Variants in VPS8 observed in about 807,000 individuals in gnomAD.
VPS8 encodes the protein vacuolar protein sorting-associated protein 8 homolog.
In VPS8, 129 loss-of-function variants were observed where a neutral mutation model predicts 216.4. The ratio of observed to expected loss-of-function variants is 0.60; its 90% CI spans 0.52 to 0.69. The LOEUF is 0.69. Among genes scored for constraint, VPS8 ranks in the 30% least tolerant of loss-of-function variants. The pLI, the probability that VPS8 is intolerant of heterozygous loss-of-function variation, is 0.00. For synonymous variants in VPS8, 571 were observed against 565.4 expected (o/e 1.01, Z -0.14); for missense variants, 1,531 against 1,683.5 (o/e 0.91, Z 1.59).
chr3:185,013,098 G>C (rs1176914565), intron 45 of VPS8, among the ~76,000 whole-genome samples: 1 of 152,196 alleles, frequency 6.6e-6, no homozygotes, highest in Non-Finnish European at 1.5e-5. Flanking sequence ...TATTGTTTGG[G>C]GTTTAAGAAC....
intron 46 of VPS8, among the ~76,000 whole-genome samples, chr3:185,036,237 C>A (rs1019645349): frequency 6.6e-6 from 1 of 152,092 alleles, no homozygotes; most frequent in Non-Finnish European, 1.5e-5. Flanking sequence ...CGACATAATT[C>A]TTTACAGAAT....
rs1366746618 is a variant in VPS8 at position 184,900,905 on chromosome 3, A to G, written c.2095-16A>G. ...TTGAGATGATGATGATTGTTTTCCT[A>G]TTAATTTTAATGCAGAAACTTTTCA... On this transcript the variant is annotated splice_polypyrimidine_tract_variant and intron_variant, in intron 24 of 47. Coordinates refer to ENST00000625842, the MANE Select transcript of VPS8 (RefSeq NM_001009921.3). 2.5e-6 allele frequency: 4 copies of G among 1,595,760 alleles called. No homozygotes were observed. The South Asian group carries it at 3.4e-5, about 14-fold the overall frequency.
chr3:184,839,160 G>T, intron 6 of VPS8: 1 of 188,500 alleles, frequency 5.3e-6, no homozygotes, highest in Non-Finnish European at 1.1e-5. Context: ...CTCTGTTGCA[G>T]TATTGTAGAG....
intron 30 of VPS8, 142 bp from the exon 31 acceptor site, chr3:184,926,452 G>T: frequency 1.4e-6 from 1 of 696,036 alleles, no homozygotes; most frequent in South Asian, 1.9e-5. Context: ...TAATCAGTTG[G>T]GAAGGTAGCC....
chr3:185,007,860 T>A (rs1237369872), intron 45 of VPS8, among the ~76,000 whole-genome samples: 2 of 152,236 alleles, frequency 1.3e-5, no homozygotes, highest in Non-Finnish European at 2.9e-5. Flanking sequence ...TCACTAGCCA[T>A]AATTTTCTAT....
At chr3:184,964,017 C>T (rs1306785571) in intron 37 of VPS8, among the ~76,000 whole-genome samples, 1 of 151,714 alleles carries the variant, frequency 6.6e-6, no homozygotes, top group Non-Finnish European at 1.5e-5. Context: ...TACTTTTTTC[C>T]TTTTTTCTCC....
intron 47 of VPS8, among the ~76,000 whole-genome samples, chr3:185,050,217 G>C (rs781022835): frequency 2.0e-5 from 3 of 151,162 alleles, no homozygotes; most frequent in Non-Finnish European, 4.4e-5. Flanking sequence ...TTCTGTTCAA[G>C]GCATCGTACA....
At chr3:184,850,195 C>A (rs1723988740) in intron 10 of VPS8, among the ~76,000 whole-genome samples, 173 bp downstream of exon 10, 2 of 152,040 alleles carry the variant, frequency 1.3e-5, no homozygotes, top group South Asian at 4.1e-4. Flanking sequence ...TTTGACTAGC[C>A]CAACATGATG....
At chr3:185,042,634 G>T (rs1428762381) in intron 46 of VPS8, among the ~76,000 whole-genome samples, 1 of 152,222 alleles carries the variant, frequency 6.6e-6, no homozygotes, top group African/African-American at 2.4e-5. Context: ...TAATGTTTGG[G>T]AATTTGAGCT....
At chr3:185,003,722 CG>C (rs1182747949) in intron 45 of VPS8, among the ~76,000 whole-genome samples, 5 of 150,578 alleles carry the variant, frequency 3.3e-5, no homozygotes, top group African/African-American at 4.9e-5. Context: ...ACTTCCCAGA[CG>C]GGGTGGCTGC....
At chr3:185,014,592 G>C (rs1755522231) in intron 45 of VPS8, among the ~76,000 whole-genome samples, 1 of 152,200 alleles carries the variant, frequency 6.6e-6, no homozygotes, top group African/African-American at 2.4e-5. Flanking sequence ...TGTAGATGCT[G>C]TTCAGCTGCT....
In VPS8 at chr3:184,983,058, T is replaced by G; in HGVS notation, c.3549T>G (p.Phe1183Leu). 1 of 1,610,380 alleles carries G rather than the reference T, an allele frequency of 6.2e-7. No homozygotes were observed. The highest frequency in any genetic ancestry group is 8.5e-7 in the Non-Finnish European group (1 of 1,177,952). Residue 1183 changes from phenylalanine to leucine, a missense_variant, in exon 42 of 48, where the codon TTT becomes TTG. This residue lies in a region of VPS8 where 1,318 missense variants were observed against 1,468.4 expected (regional missense o/e 0.90). Transcript: ENST00000625842. ...AAGTTTTAAATAGCATGGCAGCATT[T>G]ATTGCCCTTCCATCAATCTTGCAAA... Reference protein sequence around the residue: ...TMQVLNSMAAFIALPSILQRI... With the variant: ...TMQVLNSMAALIALPSILQRI...
At chr3:184,876,475 A>G (rs895425945) in intron 21 of VPS8, among the ~76,000 whole-genome samples, 3 of 152,074 alleles carry the variant, frequency 2.0e-5, no homozygotes, top group African/African-American at 7.3e-5. Context: ...ACTGCTTTAC[A>G]TTCTTCCCTA....
rs138230180 is a variant in VPS8 at position 184,989,398 on chromosome 3, G to A, written c.3586-4585G>A. Among the ~76,000 whole-genome samples, 171 of 152,104 alleles carry A rather than the reference G, an allele frequency of 1.1e-3. 2 individuals are homozygous for A. Among genetic ancestry groups the A allele is most frequent in the East Asian group, 0.01 (52 of 5,172 alleles). On this transcript the variant is annotated intron_variant, in intron 42 of 47. Transcript: ENST00000625842. ...GATTTTTCTTATTTAGCCTGTTGATGTGGTGGATTACAGTAATTGATTTTT... is the reference window on the plus strand; with the variant it reads ...GATTTTTCTTATTTAGCCTGTTGATATGGTGGATTACAGTAATTGATTTTT...
chr3:184,826,396 T>C (rs1718785260), intron 3 of VPS8, among the ~76,000 whole-genome samples, 165 bp downstream of exon 3: 1 of 152,240 alleles, frequency 6.6e-6, no homozygotes, highest in Admixed American at 6.5e-5. Context: ...AATAAAAATT[T>C]AATTCCTTGG....
intron 3 of VPS8, among the ~76,000 whole-genome samples, chr3:184,830,891 G>C (rs1719846422): frequency 6.6e-6 from 1 of 152,080 alleles, no homozygotes; most frequent in Admixed American, 6.5e-5. Flanking sequence ...TGGTAAATTT[G>C]GACCTAAACC....
chr3:184,866,972 G>A, intron 17 of VPS8, 22 bp downstream of exon 17: 1 of 1,608,916 alleles, frequency 6.2e-7, no homozygotes, highest in South Asian at 1.1e-5. Flanking sequence ...TACTCTGTGA[G>A]TTGGTATTTG....
At chr3:184,877,772 T>TA (rs1354101220) in intron 21 of VPS8, among the ~76,000 whole-genome samples, 4 of 152,238 alleles carry the variant, frequency 2.6e-5, no homozygotes, top group African/African-American at 9.6e-5. Context: ...AATGTGTTGT[T>TA]ATGTAACTCA....
intron 1 of VPS8, among the ~76,000 whole-genome samples, chr3:184,821,631 G>A (rs769505873): frequency 6.6e-6 from 1 of 152,108 alleles, no homozygotes; most frequent in Non-Finnish European, 1.5e-5. Flanking sequence ...GATTACAGGT[G>A]TGAGGCACTG....
Sources: allele counts gnomAD v4.1 joint callset (sites outside exome capture counted in the v4.1 genomes callset), GRCh38; gene constraint gnomAD v4.1.1; regional missense constraint gnomAD v4.1.1; transcripts MANE v1.5; gene names NCBI Gene and HGNC (gene_info 2026-07-23, HGNC 2026-07-21).